PDZD9: variants seen among roughly 807,000 people sequenced by gnomAD.
PDZD9 encodes PDZ domain containing 9.
PDZD9 carries 13 observed loss-of-function variants against 16.3 expected under a neutral mutation model. The observed-to-expected ratio is 0.80, with a 90% CI of 0.52 to 1.27. PDZD9 has a LOEUF of 1.27. Ranked by LOEUF, PDZD9 falls within the 50% of genes most tolerant of loss-of-function variation. PDZD9 has a pLI of 0.00. For synonymous variants in PDZD9, 120 were observed against 111.0 expected (o/e 1.08, Z -0.51); for missense variants, 288 against 310.9 (o/e 0.93, Z 0.55).
chr16:21,957,681 A>G, the PDZD9 span: 2 of 1,422,532 alleles, frequency 1.4e-6, no homozygotes, highest in Non-Finnish European at 1.9e-6. Flanking sequence ...GCCATAACAA[A>G]TTACCACGGA....
At chr16:21,964,457 C>T in the PDZD9 span, among the ~76,000 whole-genome samples, 2 of 152,160 alleles carry the variant, frequency 1.3e-5, no homozygotes, top group East Asian at 1.9e-4. Context: ...ACAGCATATA[C>T]GTATATGGCC....
chr16:21,983,386 AG>A, downstream of PDZD9: 1 of 523,240 alleles, frequency 1.9e-6, no homozygotes, highest in Non-Finnish European at 3.3e-6. Flanking sequence ...TTAATCAACA[AG>A]TATTTATTAT....
chr16:21,968,947 A>C, the PDZD9 span, among the ~76,000 whole-genome samples: 1 of 152,236 alleles, frequency 6.6e-6, no homozygotes, highest in East Asian at 1.9e-4. Flanking sequence ...CTCAAAGCAA[A>C]GAGCTTTTAC....
chr16:21,959,709 T>C, the PDZD9 span: 1 of 152,260 alleles, frequency 6.6e-6, no homozygotes, highest in Non-Finnish European at 1.5e-5. Flanking sequence ...CTTCACTATC[T>C]GTGGTAGCTG....
intron 3 of PDZD9, among the ~76,000 whole-genome samples, chr16:21,985,625 G>A (rs1898859686): frequency 6.6e-6 from 1 of 152,030 alleles, no homozygotes; most frequent in Non-Finnish European, 1.5e-5. Flanking sequence ...CCTCATCCTG[G>A]TGCTATTGCC....
chr16:21,975,270 A>G, the PDZD9 span, among the ~76,000 whole-genome samples: 1 of 152,204 alleles, frequency 6.6e-6, no homozygotes, highest in South Asian at 2.1e-4. Flanking sequence ...GGGGCCTGAT[A>G]AATTGAAAGA....
the PDZD9 span, among the ~76,000 whole-genome samples, chr16:21,958,181 A>T: frequency 6.6e-6 from 1 of 152,246 alleles, no homozygotes; most frequent in Admixed American, 6.5e-5. Context: ...ATTAGTATCC[A>T]TATGAATGTT....
the PDZD9 span, chr16:21,971,946 GAC>G: frequency 6.2e-7 from 1 of 1,614,114 alleles, no homozygotes; most frequent in African/African-American, 1.3e-5. Flanking sequence ...ACAGAATGGA[GAC>G]AGTCTTGTCC....
chr16:21,962,659 C>G, the PDZD9 span: 2 of 1,593,246 alleles, frequency 1.3e-6, no homozygotes, highest in South Asian at 2.2e-5. Flanking sequence ...CTGCTTACCA[C>G]AAGACCTAAA....
At position 21,988,003 on chromosome 16, in the gene PDZD9, C is replaced by CTTT. The variant is rs773101505; in HGVS notation, c.401+596_401+598dup. ...AAGAAAATAGGATTTGCAAGAAGCACTTTTTTTTTTTTTTTTTTTTTTTGA... is the reference window on the plus strand; with the variant it reads ...AAGAAAATAGGATTTGCAAGAAGCACTTTTTTTTTTTTTTTTTTTTTTTTTTGA... On this transcript the variant is annotated intron_variant, in intron 3 of 3. Transcript: ENST00000424898. Among the ~76,000 whole-genome samples, 834 of 100,570 alleles carry CTTT rather than the reference C, an allele frequency of 8.3e-3. 17 individuals carry two copies. The highest frequency in any genetic ancestry group is 0.016 in the Middle Eastern group (2 of 122). 66.0% of individuals were successfully genotyped at this position (100,570 alleles called of 152,430 possible). A position where few individuals can be genotyped will look rare whatever the true frequency, so the allele number is the denominator to read the frequency against.
chr16:21,967,528 T>C, the PDZD9 span, among the ~76,000 whole-genome samples: 1 of 152,178 alleles, frequency 6.6e-6, no homozygotes, highest in African/African-American at 2.4e-5. Context: ...AGCCCTACTT[T>C]TGTATATTAA....
At chr16:21,963,608 C>T in the PDZD9 span, among the ~76,000 whole-genome samples, 1 of 152,016 alleles carries the variant, frequency 6.6e-6, no homozygotes, top group African/African-American at 2.4e-5. Context: ...GGACTACAGG[C>T]ACACACCACC....
chr16:21,999,683 C>G lies in PDZD9; in HGVS notation c.31+1334G>C, dbSNP rs140291184. The G allele has an allele frequency of 3.5e-3, 530 of 152,432 alleles. 3 individuals are homozygous for G. Among genetic ancestry groups the G allele is most frequent in the Middle Eastern group, 6.7e-3 (2 of 298 alleles). 9.4% of individuals were successfully genotyped at this position (152,432 alleles called of 1,614,324 possible). A position where few individuals can be genotyped will look rare whatever the true frequency, so the allele number is the denominator to read the frequency against. ...GAGTCTGCATCCTTCAGTAAGCCCA[C>G]CTGGGGGCTAGCAGAAGTATAAAGT... On this transcript the variant is annotated intron_variant, in intron 1 of 3. Transcript: ENST00000424898.
At chr16:21,993,644 G>A (rs1156439896) in intron 2 of PDZD9, among the ~76,000 whole-genome samples, 3 of 152,126 alleles carry the variant, frequency 2.0e-5, no homozygotes, top group African/African-American at 7.2e-5. Context: ...TCAAAAACCT[G>A]TAGGGAGATA....
chr16:21,974,317 A>C, the PDZD9 span, among the ~76,000 whole-genome samples: 1 of 152,118 alleles, frequency 6.6e-6, no homozygotes, highest in Non-Finnish European at 1.5e-5. Flanking sequence ...TGTTGAAATC[A>C]GGGATATGTG....
chr16:21,962,193 CTTA>C, the PDZD9 span: 1 of 433,170 alleles, frequency 2.3e-6, no homozygotes. Flanking sequence ...TTGTGACTGG[CTTA>C]TTATCCTTAG....
the PDZD9 span, among the ~76,000 whole-genome samples, chr16:21,958,787 TGGGAGTAGATATCTGCAATATATA>T: frequency 6.6e-6 from 1 of 152,164 alleles, no homozygotes; most frequent in Non-Finnish European, 1.5e-5. Context: ...AGTAACTGTC[TGGGAGTAGATATCTGCAATATATA>T]GGCATACCTC....
chr16:21,981,627 C>T (rs565011717), downstream of PDZD9, among the ~76,000 whole-genome samples: 2 of 151,662 alleles, frequency 1.3e-5, no homozygotes, highest in South Asian at 2.1e-4. Context: ...TGGTGGCATG[C>T]GCCTGTAGTC....
chr16:21,984,765 T>A (rs1202064178), intron 3 of PDZD9, 105 bp from the exon 4 acceptor site: 1 of 803,286 alleles, frequency 1.2e-6, no homozygotes, highest in Non-Finnish European at 1.8e-6. Context: ...AAAGATACAA[T>A]TTAGCTTTAG....
Sources: gnomAD v4.1 joint callset for allele counts (sites outside exome capture counted in the v4.1 genomes callset) on GRCh38, gnomAD v4.1.1 for gene constraint, MANE v1.5 for transcripts, NCBI Gene and HGNC (gene_info 2026-07-23, HGNC 2026-07-21) for gene names.